SLC2A4: variants seen among roughly 807,000 people sequenced by gnomAD.
SLC2A4 encodes solute carrier family 2, facilitated glucose transporter member 4.
In SLC2A4, 31 loss-of-function variants were observed where a neutral mutation model predicts 53.3. The ratio of observed to expected loss-of-function variants is 0.58; its 90% CI spans 0.44 to 0.78. The LOEUF (loss-of-function observed/expected upper bound fraction) is 0.78. Among genes scored for constraint, SLC2A4 ranks in the 30% least tolerant of loss-of-function variants. SLC2A4 has a pLI of 0.00. For synonymous variants in SLC2A4, 276 were observed against 281.9 expected (o/e 0.98, Z 0.21); for missense variants, 538 against 655.7 (o/e 0.82, Z 1.96).
rs1393333342 is a variant in SLC2A4 at position 7,282,336 on chromosome 17, A to G, written c.33+369A>G. 4.1e-6 allele frequency: 2 copies of G among 486,550 alleles called. No homozygotes were observed. Among genetic ancestry groups the G allele is most frequent in the African/African-American group, 3.9e-5 (2 of 51,244 alleles). 30.1% of individuals were successfully genotyped at this position (486,550 alleles called of 1,614,324 possible). A position where few individuals can be genotyped will look rare whatever the true frequency, so the allele number is the denominator to read the frequency against. ...GGGAGCTGTCCGTCCGTCTTCGCTC[A>G]CGGGCAGTGTTTCGAGGACCGGAGG... On this transcript the variant is annotated intron_variant, in intron 1 of 10. Coordinates refer to ENST00000317370, the MANE Select transcript of SLC2A4 (RefSeq NM_001042.3). The surrounding 1 kb of genome is among the most constrained non-coding windows in gnomAD (Gnocchi z 4.1).
chr17:7,285,996 T>A lies in SLC2A4; in HGVS notation c.1326+88T>A. ...CACCTGCTTCCCCGTCAGGGACTCC[T>A]CCAGCCACAGACCATGGGTCTTTGG... On this transcript the variant is annotated intron_variant, in intron 10 of 10. Coordinates refer to ENST00000317370, the MANE Select transcript of SLC2A4 (RefSeq NM_001042.3). This position sits in a 1 kb window ranked among gnomAD's most constrained non-coding sequence, Gnocchi z 6.0. 1 of 1,246,604 alleles carries A rather than the reference T, an allele frequency of 8.0e-7. No homozygotes were observed. The highest frequency in any genetic ancestry group is 1.1e-6 in the Non-Finnish European group (1 of 883,666). The allele number at this position is 1,246,604 out of a possible 1,614,324, so 77.2% of individuals were successfully genotyped here. A position where few individuals can be genotyped will look rare whatever the true frequency, so the allele number is the denominator to read the frequency against.
chr17:7,282,556 C>T lies in SLC2A4; in HGVS notation c.33+589C>T. 2.6e-6 allele frequency: 1 copy of T among 385,274 alleles called. No individual in the cohort carries two copies. Among genetic ancestry groups the T allele is most frequent in the Non-Finnish European group, 5.2e-6 (1 of 191,552 alleles). The allele number at this position is 385,274 out of a possible 1,614,324, so 23.9% of individuals were successfully genotyped here. A position where few individuals can be genotyped will look rare whatever the true frequency, so the allele number is the denominator to read the frequency against. On this transcript the variant is annotated intron_variant, in intron 1 of 10. Coordinates refer to ENST00000317370, the MANE Select transcript of SLC2A4 (RefSeq NM_001042.3). This position sits in a 1 kb window ranked among gnomAD's most constrained non-coding sequence, Gnocchi z 4.1. The stretch of plus-strand genomic sequence containing the variant: ...GCCCCTCACACTACCTTCCTGCCCT[C>T]CTCCCCTGGGCATGGCTCTCCCAGG...
Position 7,286,384 on chromosome 17 carries a change from C to A in SLC2A4, c.1327-42C>A, listed in dbSNP as rs1329984489. On this transcript the variant is annotated intron_variant, in intron 10 of 10. Coordinates refer to ENST00000317370, the MANE Select transcript of SLC2A4 (RefSeq NM_001042.3). The stretch of plus-strand genomic sequence containing the variant: ...GTTGCCTGAAACTACCCCTTCCCTC[C>A]CCACCTCACTCCGTCAACACCTCTT... 1.9e-6 allele frequency: 3 copies of A among 1,583,908 alleles called. No individual in the cohort carries two copies. The African/African-American group carries it at 4.0e-5, about 21-fold the overall frequency.
At position 7,283,846 on chromosome 17, in the gene SLC2A4, C is replaced by G; in HGVS notation, c.432C>G (p.Leu144=). The part of the protein sequence containing the change: ...SYEMLILGRF[L]IGAYSGLTSG... ...AAATGCTCATCCTTGGACGATTCCT[C>G]ATTGGCGCCTACTCAGGTACTCACG... The change falls in exon 4 of 11, where the codon CTC becomes CTG. Residue 144 remains leucine (L), a synonymous_variant. Coordinates refer to ENST00000317370, the MANE Select transcript of SLC2A4 (RefSeq NM_001042.3). This position sits in a 1 kb window ranked among gnomAD's most constrained non-coding sequence, Gnocchi z 5.8. 4 of 1,614,212 alleles carry G rather than the reference C, an allele frequency of 2.5e-6. No individual in the cohort carries two copies. The highest frequency in any genetic ancestry group is 1.6e-4 in the Middle Eastern group (1 of 6,062).
Position 7,284,181 on chromosome 17 carries a change from G to A in SLC2A4, c.565-36G>A. The A allele has an allele frequency of 1.2e-6, 2 of 1,611,436 alleles. No individual in the cohort carries two copies. The highest frequency in any genetic ancestry group is 1.1e-5 in the South Asian group (1 of 91,088). ...GCTTCCAAGGTAAGGCAGAAGGGCT[G>A]AGTGACCTGCCTTCTTTCCCAACCT... On this transcript the variant is annotated intron_variant, in intron 5 of 10. Transcript: ENST00000317370. The surrounding 1 kb of genome is among the most constrained non-coding windows in gnomAD (Gnocchi z 7.5).
Position 7,284,361 on chromosome 17 carries a change from G to A in SLC2A4, c.709G>A (p.Glu237Lys), listed in dbSNP as rs202200041. 2.5e-5 allele frequency: 40 copies of A among 1,613,982 alleles called. No homozygotes were observed. In the East Asian group the frequency reaches 5.3e-4, roughly 22 times the overall value. Residue 237 changes from glutamate (E) to lysine (K), a missense_variant, in exon 6 of 11, where the codon GAG becomes AAG. Glu to Lys is a moderately conservative substitution (Grantham distance 56). Transcript: ENST00000317370. This position sits in a 1 kb window ranked among gnomAD's most constrained non-coding sequence, Gnocchi z 7.5. Reference sequence around the variant, plus strand: ...CTACCTCTACATCATCCAGAATCTCGAGGGGCCTGCCAGAAAGAGTAAGCT... The same window carrying A: ...CTACCTCTACATCATCCAGAATCTCAAGGGGCCTGCCAGAAAGAGTAAGCT... ...PRYLYIIQNL[E>K]GPARKSLKRL... is the part of the protein sequence containing the mutation.
chr17:7,285,570 C>T lies in SLC2A4; in HGVS notation c.1123-135C>T. ...TAGCCAGCAGAATGCCAGTCAAGGG[C>T]CTGCTCTAACCCGGGACAGCAGGCC... On this transcript the variant is annotated intron_variant, in intron 9 of 10. Transcript: ENST00000317370. The surrounding 1 kb of genome is among the most constrained non-coding windows in gnomAD (Gnocchi z 6.0). 1 of 830,876 alleles carries T rather than the reference C, an allele frequency of 1.2e-6. No homozygotes were observed. Among genetic ancestry groups the T allele is most frequent in the Non-Finnish European group, 2.0e-6 (1 of 494,270 alleles). The allele number at this position is 830,876 out of a possible 1,614,324, so 51.5% of individuals were successfully genotyped here.
Position 7,285,648 on chromosome 17 carries a change from A to G in SLC2A4, c.1123-57A>G. The G allele has an allele frequency of 6.5e-7, 1 of 1,546,984 alleles. No individual in the cohort carries two copies. Among genetic ancestry groups the G allele is most frequent in the African/African-American group, 1.4e-5 (1 of 73,732 alleles). On this transcript the variant is annotated intron_variant, in intron 9 of 10. Coordinates refer to ENST00000317370, the MANE Select transcript of SLC2A4 (RefSeq NM_001042.3). The surrounding 1 kb of genome is among the most constrained non-coding windows in gnomAD (Gnocchi z 6.0). ...GGTTTCACTTCTCTGAGTTGAGGGC[A>G]AGGGAAGATCAGAAAGGCCTCAACT...
In SLC2A4 at chr17:7,283,260, C is replaced by T. The variant is rs1420669714; in HGVS notation, c.49C>T (p.Gln17Ter). Residue 17 changes from glutamine (Q) to a stop codon, truncating the protein, a stop_gained, in exon 2 of 11, where the codon CAG (glutamine) becomes TAG (stop). Transcript: ENST00000317370. LOFTEE classifies it high-confidence loss of function. This position sits in a 1 kb window ranked among gnomAD's most constrained non-coding sequence, Gnocchi z 5.8. ...QIGSEDGEPP[Q>*]QRVTGTLVLA... ...GCCTGTTCAGGATGGGGAACCCCCT[C>T]AGCAGCGAGTGACTGGGACCCTGGT... is the stretch of plus-strand genomic sequence containing the variant. 6.2e-7 allele frequency: 1 copy of T among 1,613,960 alleles called. No individual in the cohort carries two copies. The highest frequency in any genetic ancestry group is 8.5e-7 in the Non-Finnish European group (1 of 1,179,836).
rs1053506049 is a variant in SLC2A4, at chr17:7,287,722, C to T, written c.*1093C>T. 6.6e-6 allele frequency: 1 copy of T among 152,128 alleles called. No individual in the cohort carries two copies. Among genetic ancestry groups the T allele is most frequent in the South Asian group, 2.1e-4 (1 of 4,828 alleles). 9.4% of individuals were successfully genotyped at this position (152,128 alleles called of 1,614,324 possible). On this transcript the variant is annotated 3_prime_UTR_variant, in exon 11 of 11. Coordinates refer to ENST00000317370, the MANE Select transcript of SLC2A4 (RefSeq NM_001042.3). ...CCTGGAAACACTGGGCTGGGAGGAGCCTTTGGATATTTTTATATACGTTTG... is the reference window on the plus strand; with the variant it reads ...CCTGGAAACACTGGGCTGGGAGGAGTCTTTGGATATTTTTATATACGTTTG...
rs933608477 is a variant in SLC2A4, at chr17:7,282,515, G to C, written c.33+548G>C. 2.4e-6 allele frequency: 1 copy of C among 413,378 alleles called. No individual in the cohort carries two copies. The highest frequency in any genetic ancestry group is 2.0e-5 in the African/African-American group (1 of 49,206). The allele number at this position is 413,378 out of a possible 1,614,324, so 25.6% of individuals were successfully genotyped here. ...GAGACAGTCTGTGCCGCCAGCGAGC[G>C]GCCACCACTGCCACCGCCCCTCACA... On this transcript the variant is annotated intron_variant, in intron 1 of 10. Transcript: ENST00000317370. The surrounding 1 kb of genome is among the most constrained non-coding windows in gnomAD (Gnocchi z 4.1).
Position 7,285,323 on chromosome 17 carries a change from GCTGA to G in SLC2A4, c.1122+138_1122+141del. ...GCGCCAGCTCCGGACCAGGACTGGG[GCTGA>G]CTGGCTCCAGAATCTGCTGGGATTG... is the stretch of plus-strand genomic sequence containing the variant. On this transcript the variant is annotated intron_variant, in intron 9 of 10. Transcript: ENST00000317370. This position sits in a 1 kb window ranked among gnomAD's most constrained non-coding sequence, Gnocchi z 6.0. 1.3e-6 allele frequency: 1 copy of G among 793,110 alleles called. No homozygotes were observed. Among genetic ancestry groups the G allele is most frequent in the Non-Finnish European group, 2.1e-6 (1 of 473,474 alleles). 49.1% of individuals were successfully genotyped at this position (793,110 alleles called of 1,614,324 possible). A position where few individuals can be genotyped will look rare whatever the true frequency, so the allele number is the denominator to read the frequency against.
At position 7,282,931 on chromosome 17, in the gene SLC2A4, G is replaced by A; in HGVS notation, c.34-314G>A. ...AGGTTCGGGGCAGGGAAGTGACTTG[G>A]CCAAGGTCACACAAATCTGAGCTCT... On this transcript the variant is annotated intron_variant, in intron 1 of 10. Transcript: ENST00000317370. This position sits in a 1 kb window ranked among gnomAD's most constrained non-coding sequence, Gnocchi z 4.1. The A allele has an allele frequency of 2.5e-6, 1 of 407,554 alleles. No individual in the cohort carries two copies. Among genetic ancestry groups the A allele is most frequent in the East Asian group, 5.7e-5 (1 of 17,422 alleles). 25.2% of individuals were successfully genotyped at this position (407,554 alleles called of 1,614,324 possible). A position where few individuals can be genotyped will look rare whatever the true frequency, so the allele number is the denominator to read the frequency against.
Position 7,284,327 on chromosome 17 carries a change from G to A in SLC2A4, c.675G>A (p.Glu225=). ...TGGTCCTGCTGCCCTTCTGTCCCGA[G>A]AGCCCCCGCTACCTCTACATCATCC... The part of the protein sequence containing the change: ...LQLVLLPFCP[E]SPRYLYIIQN... The change falls in exon 6 of 11, where the codon GAG becomes GAA. Residue 225 remains glutamate (E), a synonymous_variant. Coordinates refer to ENST00000317370, the MANE Select transcript of SLC2A4 (RefSeq NM_001042.3). The surrounding 1 kb of genome is among the most constrained non-coding windows in gnomAD (Gnocchi z 7.5). 6.2e-7 allele frequency: 1 copy of A among 1,614,136 alleles called. No individual in the cohort carries two copies. Among genetic ancestry groups the A allele is most frequent in the South Asian group, 1.1e-5 (1 of 91,080 alleles).
rs1402401602 is a variant in SLC2A4 at position 7,285,839 on chromosome 17, C to T, written c.1257C>T (p.Ala419=). The change falls in exon 10 of 11, where the codon GCC becomes GCT. Residue 419 remains alanine, a synonymous_variant. Transcript: ENST00000317370. The surrounding 1 kb of genome is among the most constrained non-coding windows in gnomAD (Gnocchi z 6.0). ...ELFSQGPRPA[A]MAVAGFSNWT... ...TCAGCCAGGGACCCCGCCCGGCAGCCATGGCTGTGGCTGGTTTCTCCAACT... is the reference window on the plus strand; with the variant it reads ...TCAGCCAGGGACCCCGCCCGGCAGCTATGGCTGTGGCTGGTTTCTCCAACT... 1.9e-6 allele frequency: 3 copies of T among 1,614,238 alleles called. No homozygotes were observed. The highest frequency in any genetic ancestry group is 2.2e-5 in the South Asian group (2 of 91,090).
chr17:7,286,558 C>T lies in SLC2A4; in HGVS notation c.1459C>T (p.Pro487Ser). Residue 487 changes from proline to serine, a missense_variant, in exon 11 of 11, where the codon CCC becomes TCC. Transcript: ENST00000317370. ...DQISAAFHRT[P>S]SLLEQEVKPS... is the part of the protein sequence containing the mutation. ...GATCTCAGCTGCCTTCCACCGGACA[C>T]CCTCTCTTTTAGAGCAGGAGGTGAA... 4.3e-6 allele frequency: 7 copies of T among 1,614,204 alleles called. No homozygotes were observed. Among genetic ancestry groups the T allele is most frequent in the Non-Finnish European group, 5.9e-6 (7 of 1,180,032 alleles).
In SLC2A4 at chr17:7,282,850, C is replaced by T. The variant is rs967480498; in HGVS notation, c.34-395C>T. 1 of 358,918 alleles carries T rather than the reference C, an allele frequency of 2.8e-6. No homozygotes were observed. Among genetic ancestry groups the T allele is most frequent in the Non-Finnish European group, 5.4e-6 (1 of 183,866 alleles). 22.2% of individuals were successfully genotyped at this position (358,918 alleles called of 1,614,324 possible). ...ATGTGATGTTGATTTTCACAACACT[C>T]TCACAGATAGGTAGGCAAGGCAGGC... On this transcript the variant is annotated intron_variant, in intron 1 of 10. Transcript: ENST00000317370. This position sits in a 1 kb window ranked among gnomAD's most constrained non-coding sequence, Gnocchi z 4.1.
chr17:7,284,561 G>T lies in SLC2A4; in HGVS notation c.804G>T (p.Glu268Asp), dbSNP rs757667408. 1 of 1,614,240 alleles carries T rather than the reference G, an allele frequency of 6.2e-7. No homozygotes were observed. Among genetic ancestry groups the T allele is most frequent in the Non-Finnish European group, 8.5e-7 (1 of 1,180,056 alleles). ...TGAAGGATGAGAAGCGGAAGCTGGA[G>T]CGTGAGCGGCCACTGTCCCTGCTCC... is the stretch of plus-strand genomic sequence containing the variant. ...AELKDEKRKL[E>D]RERPLSLLQL... is the part of the protein sequence containing the mutation. Residue 268 changes from glutamate to aspartate, a missense_variant, in exon 7 of 11, where the codon GAG (glutamate) becomes GAT (aspartate). Glu to Asp is a conservative substitution (Grantham distance 45, BLOSUM62 2). Coordinates refer to ENST00000317370, the MANE Select transcript of SLC2A4 (RefSeq NM_001042.3). The surrounding 1 kb of genome is among the most constrained non-coding windows in gnomAD (Gnocchi z 7.5).
rs1186563633 is a variant in SLC2A4, at chr17:7,285,055, A to G, written c.1021-33A>G. On this transcript the variant is annotated intron_variant, in intron 8 of 10. Transcript: ENST00000317370. The surrounding 1 kb of genome is among the most constrained non-coding windows in gnomAD (Gnocchi z 6.0). ...GGCCCCTCCTACTTCCCGTGCCCAA[A>G]AGGCTGGGGTCAAGCTCCGACTCTC... is the stretch of plus-strand genomic sequence containing the variant. 1 of 1,609,554 alleles carries G rather than the reference A, an allele frequency of 6.2e-7. No homozygotes were observed. The highest frequency in any genetic ancestry group is 8.5e-7 in the Non-Finnish European group (1 of 1,178,342).
Sources: allele counts gnomAD v4.1 joint callset, GRCh38; gene constraint gnomAD v4.1.1; non-coding constraint Gnocchi (gnomAD v3.1); transcripts MANE v1.5; gene names NCBI Gene and HGNC (gene_info 2026-07-23, HGNC 2026-07-21).